LRRC14: variants seen among roughly 807,000 people sequenced by gnomAD.
LRRC14 encodes the protein leucine-rich repeat-containing protein 14.
Under a neutral mutation model 25.3 loss-of-function variants are expected in LRRC14, and 16 were observed. That is an observed-to-expected ratio of 0.63 (90% CI 0.43 to 0.96). The LOEUF is 0.96. Among genes scored for constraint, LRRC14 ranks in the 40% least tolerant of loss-of-function variants. LRRC14 has a pLI of 0.00. For synonymous variants in LRRC14, 359 were observed against 295.1 expected (o/e 1.22, Z -2.22); for missense variants, 594 against 660.5 (o/e 0.90, Z 1.10).
Position 144,519,747 on chromosome 8 carries a change from A to T in LRRC14, c.22A>T (p.Ser8Cys). Residue 8 changes from serine to cysteine, a missense_variant, in exon 2 of 4, where the codon AGC becomes TGC. Physicochemically the swap from Ser to Cys is moderately radical, Grantham distance 112 (BLOSUM62 -1). Transcript: ENST00000292524. MHTLVFL[S>C]TRQVLQCQPA... ...CACCATGCACACGCTTGTGTTCTTG[A>T]GCACACGGCAGGTGCTGCAGTGCCA... 1 of 1,612,514 alleles carries T rather than the reference A, an allele frequency of 6.2e-7. No homozygotes were observed. Among genetic ancestry groups the T allele is most frequent in the Non-Finnish European group, 8.5e-7 (1 of 1,179,856 alleles).
Position 144,522,356 on chromosome 8 carries a change from G to A in LRRC14, c.*878G>A, listed in dbSNP as rs1372670240. The stretch of plus-strand genomic sequence containing the variant: ...CAGGATTCCCGAGTGCAACGTTCCC[G>A]GCTCGCGCCCCACACACGGCTCAGC... On this transcript the variant is annotated 3_prime_UTR_variant, in exon 4 of 4. Coordinates refer to ENST00000292524, the MANE Select transcript of LRRC14 (RefSeq NM_014665.4). 8.4e-6 allele frequency: 11 copies of A among 1,314,806 alleles called. No homozygotes were observed. The South Asian group carries it at 1.8e-4, about 22-fold the overall frequency. 81.4% of individuals were successfully genotyped at this position (1,314,806 alleles called of 1,614,324 possible).
At position 144,522,242 on chromosome 8, in the gene LRRC14, C is replaced by T. The variant is rs979241834; in HGVS notation, c.*764C>T. 7 of 522,994 alleles carry T rather than the reference C, an allele frequency of 1.3e-5. No individual in the cohort carries two copies. The highest frequency in any genetic ancestry group is 2.0e-5 in the African/African-American group (1 of 50,538). 32.4% of individuals were successfully genotyped at this position (522,994 alleles called of 1,614,324 possible). A position where few individuals can be genotyped will look rare whatever the true frequency, so the allele number is the denominator to read the frequency against. On this transcript the variant is annotated 3_prime_UTR_variant, in exon 4 of 4. Coordinates refer to ENST00000292524, the MANE Select transcript of LRRC14 (RefSeq NM_014665.4). ...GCCAGGGCCAGCGAGGGACCCCCCC[C>T]ATGCAGAGCTGGAGGTTGGGGTGAT...
rs1359594033 is a variant in LRRC14, at chr8:144,524,647, G to C, written c.*3169G>C. 5 of 1,502,550 alleles carry C rather than the reference G, an allele frequency of 3.3e-6. No homozygotes were observed. Among genetic ancestry groups the C allele is most frequent in the Non-Finnish European group, 4.4e-6 (5 of 1,135,562 alleles). 93.1% of individuals were successfully genotyped at this position (1,502,550 alleles called of 1,614,324 possible). On this transcript the variant is annotated 3_prime_UTR_variant, in exon 4 of 4. Coordinates refer to ENST00000292524, the MANE Select transcript of LRRC14 (RefSeq NM_014665.4). ...AGGCTGTTGTTGTGCAGGTAGAGCC[G>C]GCGCAGAGCGGCGAGTGGCGCCAGG... is the stretch of plus-strand genomic sequence containing the variant.
chr8:144,524,294 C>G lies in LRRC14; in HGVS notation c.*2816C>G, dbSNP rs1338417778. On this transcript the variant is annotated 3_prime_UTR_variant, in exon 4 of 4. Transcript: ENST00000292524. Reference sequence around the variant, plus strand: ...CCTGCAGTCGCTGAAGTAAGGACAGCAGATCGTGAGGAAAAAGGGCGCCGA... The same window carrying G: ...CCTGCAGTCGCTGAAGTAAGGACAGGAGATCGTGAGGAAAAAGGGCGCCGA... 6.2e-7 allele frequency: 1 copy of G among 1,609,846 alleles called. No individual in the cohort carries two copies. The highest frequency in any genetic ancestry group is 8.5e-7 in the Non-Finnish European group (1 of 1,179,824).
chr8:144,525,159 G>T lies in LRRC14; in HGVS notation c.*3681G>T, dbSNP rs1325794725. 1.0e-5 allele frequency: 6 copies of T among 574,664 alleles called. No homozygotes were observed. The highest frequency in any genetic ancestry group is 6.9e-5 in the East Asian group (2 of 28,988). 35.6% of individuals were successfully genotyped at this position (574,664 alleles called of 1,614,324 possible). ...TTCAAGAAACTAATAAAACGTTCTG[G>T]TTTTCTCCTTTGACAAAAACATTTT... On this transcript the variant is annotated 3_prime_UTR_variant, in exon 4 of 4. Coordinates refer to ENST00000292524, the MANE Select transcript of LRRC14 (RefSeq NM_014665.4).
In LRRC14 at chr8:144,523,566, C is replaced by T. The variant is rs1816221065; in HGVS notation, c.*2088C>T. On this transcript the variant is annotated 3_prime_UTR_variant, in exon 4 of 4. Coordinates refer to ENST00000292524, the MANE Select transcript of LRRC14 (RefSeq NM_014665.4). ...CTGCCACCCCTTCCTTGACCCCAAG[C>T]TCCTTGGGGCGGCAGGCCCTTCACC... 8.2e-7 allele frequency: 1 copy of T among 1,212,864 alleles called. No homozygotes were observed. The highest frequency in any genetic ancestry group is 1.1e-6 in the Non-Finnish European group (1 of 935,832). 75.1% of individuals were successfully genotyped at this position (1,212,864 alleles called of 1,614,324 possible). A position where few individuals can be genotyped will look rare whatever the true frequency, so the allele number is the denominator to read the frequency against.
rs779968965 is a variant in LRRC14, at chr8:144,523,388, C to T, written c.*1910C>T. On this transcript the variant is annotated 3_prime_UTR_variant, in exon 4 of 4. Coordinates refer to ENST00000292524, the MANE Select transcript of LRRC14 (RefSeq NM_014665.4). The stretch of plus-strand genomic sequence containing the variant: ...CCAGGCACCCAGCCAGTGCAGGGCG[C>T]AGTCACAGCGCCATGGGTTCTCTGT... 1 of 1,544,450 alleles carries T rather than the reference C, an allele frequency of 6.5e-7. No homozygotes were observed. The highest frequency in any genetic ancestry group is 8.7e-7 in the Non-Finnish European group (1 of 1,144,594).
rs1436786821 is a variant in LRRC14 at position 144,524,642 on chromosome 8, G to C, written c.*3164G>C. The C allele has an allele frequency of 3.3e-6, 5 of 1,512,272 alleles. No individual in the cohort carries two copies. Among genetic ancestry groups the C allele is most frequent in the Non-Finnish European group, 4.4e-6 (5 of 1,139,152 alleles). The allele number at this position is 1,512,272 out of a possible 1,614,324, so 93.7% of individuals were successfully genotyped here. A position where few individuals can be genotyped will look rare whatever the true frequency, so the allele number is the denominator to read the frequency against. ...CGCGCAGGCTGTTGTTGTGCAGGTA[G>C]AGCCGGCGCAGAGCGGCGAGTGGCG... On this transcript the variant is annotated 3_prime_UTR_variant, in exon 4 of 4. Coordinates refer to ENST00000292524, the MANE Select transcript of LRRC14 (RefSeq NM_014665.4).
Position 144,519,802 on chromosome 8 carries a change from T to G in LRRC14, c.77T>G (p.Leu26Arg). ...QPAACQALPL[L>R]PRELFPLLFK... ...GCTGCCTGCCAGGCCCTGCCCTTGC[T>G]GCCACGCGAACTCTTCCCCCTGCTG... The change falls in exon 2 of 4, where the codon CTG becomes CGG. Residue 26 changes from leucine (L) to arginine (R), a missense_variant. Leu to Arg is a moderately radical substitution (Grantham distance 102). Transcript: ENST00000292524. The G allele has an allele frequency of 6.2e-7, 1 of 1,613,226 alleles. No individual in the cohort carries two copies. Among genetic ancestry groups the G allele is most frequent in the Non-Finnish European group, 8.5e-7 (1 of 1,179,950 alleles).
Position 144,519,830 on chromosome 8 carries a change from C to G in LRRC14, c.105C>G (p.Phe35Leu). Residue 35 changes from phenylalanine (F) to leucine (L), a missense_variant, in exon 2 of 4, where the codon TTC becomes TTG. Coordinates refer to ENST00000292524, the MANE Select transcript of LRRC14 (RefSeq NM_014665.4). ...LLPRELFPLL[F>L]KVAFMDKKTV... ...CACGCGAACTCTTCCCCCTGCTGTT[C>G]AAGGTGGCCTTCATGGACAAGAAGA... 6.2e-7 allele frequency: 1 copy of G among 1,613,518 alleles called. No homozygotes were observed. The highest frequency in any genetic ancestry group is 8.5e-7 in the Non-Finnish European group (1 of 1,180,018).
At position 144,519,729 on chromosome 8, in the gene LRRC14, C is replaced by G. The variant is rs752691869; in HGVS notation, c.4C>G (p.His2Asp). Residue 2 changes from histidine (H) to aspartate (D), a missense_variant, in exon 2 of 4, where the codon CAC (histidine) becomes GAC (aspartate). By Grantham distance (81) the His-to-Asp change is moderately conservative. Transcript: ENST00000292524. Reference sequence around the variant, plus strand: ...GCCGTCTGCCCGGCCCAGCACCATGCACACGCTTGTGTTCTTGAGCACACG... The same window carrying G: ...GCCGTCTGCCCGGCCCAGCACCATGGACACGCTTGTGTTCTTGAGCACACG... M[H>D]TLVFLSTRQV... 7.5e-6 allele frequency: 12 copies of G among 1,610,564 alleles called. No homozygotes were observed. Among genetic ancestry groups the G allele is most frequent in the Non-Finnish European group, 1.0e-5 (12 of 1,179,068 alleles).
chr8:144,523,064 C>T lies in LRRC14; in HGVS notation c.*1586C>T, dbSNP rs749212814. Reference sequence around the variant, plus strand: ...GCCCGTGTCGGATGCCGAGTGTCCGCCCAGGCCCAGCAACCCGCCTTCTAG... The same window carrying T: ...GCCCGTGTCGGATGCCGAGTGTCCGTCCAGGCCCAGCAACCCGCCTTCTAG... On this transcript the variant is annotated 3_prime_UTR_variant, in exon 4 of 4. Coordinates refer to ENST00000292524, the MANE Select transcript of LRRC14 (RefSeq NM_014665.4). The T allele has an allele frequency of 6.8e-6, 11 of 1,606,756 alleles. No individual in the cohort carries two copies. Among genetic ancestry groups the T allele is most frequent in the Non-Finnish European group, 8.5e-6 (10 of 1,178,672 alleles).
In LRRC14 at chr8:144,520,301, T is replaced by C. The variant is rs760271314; in HGVS notation, c.393T>C (p.Pro131=). ...GLLDDGVEQD[P]GTMSMWDCTA... ...TGGATGATGGTGTGGAACAGGATCC[T>C]GGCACCATGAGCATGTGGGACTGTA... is the stretch of plus-strand genomic sequence containing the variant. Residue 131 remains proline (P), a synonymous_variant, in exon 3 of 4, where the codon CCT becomes CCC. Transcript: ENST00000292524. The C allele has an allele frequency of 6.2e-7, 1 of 1,612,288 alleles. No homozygotes were observed. The highest frequency in any genetic ancestry group is 8.5e-7 in the Non-Finnish European group (1 of 1,179,994).
chr8:144,520,005 G>T lies in LRRC14; in HGVS notation c.280G>T (p.Ala94Ser), dbSNP rs953529982. ...GCAGGCTGTTATCCTGGGGCTGACT[G>T]CCCGGCTCCACACCTCAGAGCCTGG... ...SMQAVILGLT[A>S]RLHTSEPGAS... The change falls in exon 2 of 4, where the codon GCC becomes TCC. Residue 94 changes from alanine (A) to serine (S), a missense_variant. Ala to Ser is a moderately conservative substitution (Grantham distance 99). Coordinates refer to ENST00000292524, the MANE Select transcript of LRRC14 (RefSeq NM_014665.4). The T allele has an allele frequency of 3.1e-6, 5 of 1,611,230 alleles. No individual in the cohort carries two copies. In the African/African-American group the frequency reaches 6.7e-5, roughly 22 times the overall value.
chr8:144,524,674 C>T lies in LRRC14; in HGVS notation c.*3196C>T. 1 of 1,481,330 alleles carries T rather than the reference C, an allele frequency of 6.8e-7. No homozygotes were observed. Among genetic ancestry groups the T allele is most frequent in the Non-Finnish European group, 8.9e-7 (1 of 1,126,888 alleles). The allele number at this position is 1,481,330 out of a possible 1,614,324, so 91.8% of individuals were successfully genotyped here. A position where few individuals can be genotyped will look rare whatever the true frequency, so the allele number is the denominator to read the frequency against. ...CGCAGAGCGGCGAGTGGCGCCAGGG[C>T]TCCCGGCTCTAGGCGGGCGATGTTG... On this transcript the variant is annotated 3_prime_UTR_variant, in exon 4 of 4. Coordinates refer to ENST00000292524, the MANE Select transcript of LRRC14 (RefSeq NM_014665.4).
chr8:144,524,979 C>T lies in LRRC14; in HGVS notation c.*3501C>T, dbSNP rs1182736584. The stretch of plus-strand genomic sequence containing the variant: ...TGCGGGGGCCCTCAGGGCCATCTCC[C>T]GAGGCCCGGTTCCTCACCGGCCCTT... On this transcript the variant is annotated 3_prime_UTR_variant, in exon 4 of 4. Transcript: ENST00000292524. 3 of 1,447,816 alleles carry T rather than the reference C, an allele frequency of 2.1e-6. No individual in the cohort carries two copies. The highest frequency in any genetic ancestry group is 2.6e-5 in the Admixed American group (1 of 37,994). 89.7% of individuals were successfully genotyped at this position (1,447,816 alleles called of 1,614,324 possible). A position where few individuals can be genotyped will look rare whatever the true frequency, so the allele number is the denominator to read the frequency against.
chr8:144,523,131 C>T lies in LRRC14; in HGVS notation c.*1653C>T. ...GGCCGGCCCTCGCGAGGCTGGGGCA[C>T]CTTTCTCCAGGTCACCAATGGCTGC... On this transcript the variant is annotated 3_prime_UTR_variant, in exon 4 of 4. Transcript: ENST00000292524. 1 of 1,610,586 alleles carries T rather than the reference C, an allele frequency of 6.2e-7. No homozygotes were observed. Among genetic ancestry groups the T allele is most frequent in the Non-Finnish European group, 8.5e-7 (1 of 1,179,510 alleles).
Position 144,524,166 on chromosome 8 carries a change from G to A in LRRC14, c.*2688G>A. On this transcript the variant is annotated 3_prime_UTR_variant, in exon 4 of 4. Transcript: ENST00000292524. ...GGGCTGCAGGGCCTCTCGGCTGATGGTGCCCAGCTGGTTCCTGCTGAGGTC... is the reference window on the plus strand; with the variant it reads ...GGGCTGCAGGGCCTCTCGGCTGATGATGCCCAGCTGGTTCCTGCTGAGGTC... The A allele has an allele frequency of 6.2e-7, 1 of 1,610,676 alleles. No homozygotes were observed. The highest frequency in any genetic ancestry group is 8.5e-7 in the Non-Finnish European group (1 of 1,178,390).
intron 1 of LRRC14, 92 bp from the exon 2 acceptor site, chr8:144,519,523 G>C (rs868260094): frequency 1.7e-6 from 1 of 596,450 alleles, no homozygotes; most frequent in Non-Finnish European, 3.0e-6. Flanking sequence ...TTGTGAGTTT[G>C]TCTGCCAGTT....
Sources: gnomAD v4.1 joint callset for allele counts on GRCh38, gnomAD v4.1.1 for gene constraint, MANE v1.5 for transcripts, NCBI Gene and HGNC (gene_info 2026-07-23, HGNC 2026-07-21) for gene names.